The following UCHL3 variants were observed in gnomAD, a reference collection of about 807,000 sequenced individuals.
UCHL3 encodes the protein ubiquitin C-terminal hydrolase L3.
A neutral mutation model predicts 35.8 loss-of-function variants in UCHL3; 22 were observed. The observed-to-expected ratio is 0.61, with a 90% confidence interval of 0.44 to 0.88. The LOEUF (loss-of-function observed/expected upper bound fraction) is 0.88, where lower values mean the gene tolerates loss of function less well. Among genes scored for constraint, UCHL3 ranks in the 40% least tolerant of loss-of-function variants. The pLI is 0.00. For synonymous variants in UCHL3, 90 were observed against 92.8 expected (o/e 0.97, Z 0.17); for missense variants, 229 against 276.9 (o/e 0.83, Z 1.23).
At chr13:75,555,823 G>A (rs986680358) in intron 2 of UCHL3, among the ~76,000 whole-genome samples, 6 of 152,036 alleles carry the variant, frequency 3.9e-5, no homozygotes, top group African/African-American at 1.4e-4. Context: ...CAGCTCCTGG[G>A]GTCAAACAAT....
At chr13:75,571,568 C>G (rs2031858249) in intron 6 of UCHL3, among the ~76,000 whole-genome samples, 1 of 152,204 alleles carries the variant, frequency 6.6e-6, no homozygotes, top group Non-Finnish European at 1.5e-5. Context: ...TTTAGAAGAT[C>G]TGCTTTTTAT....
chr13:75,549,976 G>A lies in UCHL3; in HGVS notation c.43G>A (p.Val15Ile). Residue 15 changes from valine to isoleucine, a missense_variant and splice_region_variant, in exon 2 of 9, where the codon GTC becomes ATC. By Grantham distance (29) the Val-to-Ile change is conservative (BLOSUM62 3). Transcript: ENST00000377595. ...RWLPLEANPE[V>I]TNQFLKQLGL... ...AGCGTGTTCTCTGTTTCGTTTTCAG[G>A]TCACCAACCAGGTGAGTGAGGTGTC... 1 of 1,614,250 alleles carries A rather than the reference G, an allele frequency of 6.2e-7. No individual in the cohort carries two copies. The highest frequency in any genetic ancestry group is 8.5e-7 in the Non-Finnish European group (1 of 1,180,034).
At chr13:75,566,907 T>A in intron 4 of UCHL3, 56 bp downstream of exon 4, 1 of 1,529,476 alleles carries the variant, frequency 6.5e-7, no homozygotes, top group Non-Finnish European at 8.8e-7. Context: ...GTTAATTGCA[T>A]TGAGCAGTAG....
chr13:75,567,107 T>G, intron 4 of UCHL3, 120 bp from the exon 5 acceptor site: 1 of 998,054 alleles, frequency 1.0e-6, no homozygotes, highest in Non-Finnish European at 1.5e-6. Flanking sequence ...ATCCTTACAT[T>G]TCTAACCTAC....
At chr13:75,570,127 C>G (rs1289073048) in intron 6 of UCHL3, among the ~76,000 whole-genome samples, 2 of 152,100 alleles carry the variant, frequency 1.3e-5, no homozygotes, top group African/African-American at 2.4e-5. Context: ...GTATTTTAGT[C>G]AAAAAGAATT....
At position 75,558,970 on chromosome 13, in the gene UCHL3, A is replaced by G. The variant is rs2031386891; in HGVS notation, c.55-1783A>G. ...CGAAGTGCTTTAGTGAACTATAAAT[A>G]GAACCAAGTAAGAATGGATATAATG... On this transcript the variant is annotated intron_variant, in intron 2 of 8. Transcript: ENST00000377595. Among the ~76,000 whole-genome samples the G allele has an allele frequency of 2.0e-5, 3 of 151,898 alleles. No homozygotes were observed. The South Asian group carries it at 6.2e-4, about 31-fold the overall frequency.
chr13:75,553,633 A>G (rs533484581), intron 2 of UCHL3, among the ~76,000 whole-genome samples: 4 of 149,876 alleles, frequency 2.7e-5, no homozygotes, highest in South Asian at 4.5e-4. Context: ...TTCTTGCCCT[A>G]GTAATGTTTT....
intron 3 of UCHL3, among the ~76,000 whole-genome samples, chr13:75,564,396 C>T (rs148420292): frequency 0.027 from 4,093 of 152,128 alleles, 67 homozygotes; most frequent in African/African-American, 0.031. Flanking sequence ...GTGATCCACC[C>T]GCCTTGGCCT....
intron 6 of UCHL3, among the ~76,000 whole-genome samples, chr13:75,576,516 A>T (rs1304175704): frequency 6.7e-6 from 1 of 150,240 alleles, no homozygotes; most frequent in Non-Finnish European, 1.5e-5. Context: ...CACCACACCC[A>T]GCTAATTTTT....
chr13:75,599,652 G>A (rs1226136082), intron 7 of UCHL3, among the ~76,000 whole-genome samples: 1 of 152,068 alleles, frequency 6.6e-6, no homozygotes, highest in African/African-American at 2.4e-5. Flanking sequence ...CATATATGCT[G>A]GCAAACTTAA....
chr13:75,579,003 G>T (rs541443152), intron 6 of UCHL3, among the ~76,000 whole-genome samples: 20 of 152,144 alleles, frequency 1.3e-4, no homozygotes, highest in Admixed American at 2.0e-4. Context: ...ATGTATAGTT[G>T]CATGGCTTCA....
intron 3 of UCHL3, among the ~76,000 whole-genome samples, chr13:75,561,577 T>C (rs2031497093): frequency 1.3e-5 from 2 of 151,812 alleles, no homozygotes; most frequent in South Asian, 4.1e-4. Flanking sequence ...TTTGCTTATT[T>C]TAAGTTGGTA....
chr13:75,552,961 C>T (rs2031165614), intron 2 of UCHL3, among the ~76,000 whole-genome samples: 1 of 152,110 alleles, frequency 6.6e-6, no homozygotes, highest in Non-Finnish European at 1.5e-5. Context: ...GATTATTATT[C>T]CTACTCGTGA....
At chr13:75,604,676 CT>C in intron 7 of UCHL3, 92 bp from the exon 8 acceptor site, 1 of 958,376 alleles carries the variant, frequency 1.0e-6, no homozygotes, top group Non-Finnish European at 1.5e-6. Context: ...TTTAACTTTT[CT>C]TGCCTCACTG....
At chr13:75,582,112 C>G (rs935255393) in intron 6 of UCHL3, among the ~76,000 whole-genome samples, 1 of 144,808 alleles carries the variant, frequency 6.9e-6, no homozygotes, top group South Asian at 2.1e-4. Flanking sequence ...TCAAGTAGGT[C>G]CTTGTGCTTC....
intron 6 of UCHL3, among the ~76,000 whole-genome samples, chr13:75,578,385 A>T (rs187670008): frequency 6.6e-6 from 1 of 152,124 alleles, no homozygotes; most frequent in African/African-American, 2.4e-5. Context: ...ATTCAAAGGG[A>T]TAAATATTTT....
chr13:75,586,092 A>G (rs1347271010), intron 6 of UCHL3, among the ~76,000 whole-genome samples: 1 of 152,070 alleles, frequency 6.6e-6, no homozygotes, highest in Non-Finnish European at 1.5e-5. Context: ...TTAGTAAAAA[A>G]GCAAGACACA....
At chr13:75,604,435 A>C (rs913543236) in intron 7 of UCHL3, 1 of 192,256 alleles carries the variant, frequency 5.2e-6, no homozygotes, top group African/African-American at 2.3e-5. Context: ...GAAAAAAGAA[A>C]TTTTTTTAAT....
chr13:75,578,263 A>G (rs1463803594), intron 6 of UCHL3, among the ~76,000 whole-genome samples: 1 of 151,786 alleles, frequency 6.6e-6, no homozygotes, highest in Non-Finnish European at 1.5e-5. Context: ...TCATTTCCTT[A>G]ACTTTTGATG....
Sources: gnomAD v4.1 joint callset for allele counts (sites outside exome capture counted in the v4.1 genomes callset) on GRCh38, gnomAD v4.1.1 for gene constraint, MANE v1.5 for transcripts, NCBI Gene and HGNC (gene_info 2026-07-23, HGNC 2026-07-21) for gene names.